The following NEDD4L variants were observed in gnomAD, a reference collection of about 807,000 sequenced individuals.
NEDD4L encodes NEDD4 like E3 ubiquitin protein ligase, also known as E3 ubiquitin-protein ligase NEDD4-like.
A neutral mutation model predicts 148.9 loss-of-function variants in NEDD4L; 54 were observed. The observed-to-expected ratio is 0.36, with a 90% confidence interval of 0.29 to 0.45. The LOEUF is 0.45. NEDD4L is among the 20% of genes least tolerant of loss of function. The pLI is 1.00. For synonymous variants in NEDD4L, 433 were observed against 440.7 expected (o/e 0.98, Z 0.22); for missense variants, 856 against 1,233.8 (o/e 0.69, Z 4.59).
intron 16 of NEDD4L, among the ~76,000 whole-genome samples, chr18:58,346,119 C>T (rs964509956): frequency 2.6e-5 from 4 of 152,260 alleles, no homozygotes; most frequent in South Asian, 2.1e-4. Flanking sequence ...CTGGGTCAGG[C>T]CTTTCAGGGA....
rs74183234 is a variant in NEDD4L at position 58,062,987 on chromosome 18, CAA to C, written c.48+18295_48+18296del. The stretch of plus-strand genomic sequence containing the variant: ...TGGGCGACAGAGCGAAACTCCATCT[CAA>C]AAAAAAAAAAAAAAAGAAATCGAAG... On this transcript the variant is annotated intron_variant, in intron 1 of 30. Transcript: ENST00000400345. Among the ~76,000 whole-genome samples the C allele has an allele frequency of 2.0e-3, 190 of 94,006 alleles. 1 individual carries two copies. The highest frequency in any genetic ancestry group is 6.8e-3 in the African/African-American group (152 of 22,216). 61.7% of individuals were successfully genotyped at this position (94,006 alleles called of 152,430 possible). A position where few individuals can be genotyped will look rare whatever the true frequency, so the allele number is the denominator to read the frequency against.
At chr18:58,081,643 A>G (rs1409599808) in intron 1 of NEDD4L, among the ~76,000 whole-genome samples, 1 of 152,182 alleles carries the variant, frequency 6.6e-6, no homozygotes, top group African/African-American at 2.4e-5. Flanking sequence ...AGAATCTCGT[A>G]TCTTTTCCTG....
chr18:58,152,327 T>C (rs1320110747), intron 1 of NEDD4L, among the ~76,000 whole-genome samples: 1 of 152,134 alleles, frequency 6.6e-6, no homozygotes, highest in African/African-American at 2.4e-5. Flanking sequence ...CTTCCAGCAT[T>C]GCTGGCTCCG....
intron 1 of NEDD4L, among the ~76,000 whole-genome samples, chr18:58,115,117 C>T (rs1267874784): frequency 6.6e-6 from 1 of 152,198 alleles, no homozygotes; most frequent in South Asian, 2.1e-4. Flanking sequence ...CAGTGGTAGG[C>T]TAAACCTTAG....
rs530255578 is a variant in NEDD4L, at chr18:58,054,254, G to A, written c.48+9546G>A. ...TGACAGGCTCCACAAACTTACTTACGAATCTCCTAACTACCCTGAGAACCT... is the reference window on the plus strand; with the variant it reads ...TGACAGGCTCCACAAACTTACTTACAAATCTCCTAACTACCCTGAGAACCT... On this transcript the variant is annotated intron_variant, in intron 1 of 30. Coordinates refer to ENST00000400345, the MANE Select transcript of NEDD4L (RefSeq NM_001144967.3). Among the ~76,000 whole-genome samples the A allele has an allele frequency of 3.9e-4, 60 of 152,292 alleles. 1 individual carries two copies. The South Asian group carries it at 0.011, about 28-fold the overall frequency.
chr18:58,354,638 G>A (rs962226800), intron 18 of NEDD4L, among the ~76,000 whole-genome samples: 3 of 152,208 alleles, frequency 2.0e-5, no homozygotes, highest in Non-Finnish European at 4.4e-5. Flanking sequence ...CCTGTTACCT[G>A]CTGGGACTGG....
In NEDD4L at chr18:58,256,251, T is replaced by G; in HGVS notation, c.297+4197T>G. On this transcript the variant is annotated intron_variant, in intron 5 of 30. Coordinates refer to ENST00000400345, the MANE Select transcript of NEDD4L (RefSeq NM_001144967.3). The surrounding 1 kb of genome is among the most constrained non-coding windows in gnomAD (Gnocchi z 5.2). The stretch of plus-strand genomic sequence containing the variant: ...GCCTCCAGCGCCGACGTGCGCCAGG[T>G]GAGGCTGCTGCCCCTGGGCCCCGAT... 8.1e-7 allele frequency: 1 copy of G among 1,230,586 alleles called. No individual in the cohort carries two copies. The highest frequency in any genetic ancestry group is 1.0e-6 in the Non-Finnish European group (1 of 987,266). The allele number at this position is 1,230,586 out of a possible 1,614,324, so 76.2% of individuals were successfully genotyped here.
intron 30 of NEDD4L, among the ~76,000 whole-genome samples, chr18:58,392,875 T>C (rs1400133311): frequency 6.6e-6 from 1 of 152,210 alleles, no homozygotes; most frequent in East Asian, 1.9e-4. Flanking sequence ...AGCGAAATTA[T>C]TGGGCACAGT....
At chr18:58,124,286 C>A (rs894978115) in intron 1 of NEDD4L, among the ~76,000 whole-genome samples, 2 of 152,182 alleles carry the variant, frequency 1.3e-5, no homozygotes, top group African/African-American at 4.8e-5. Context: ...TGGTCAGACT[C>A]GTGCATGGCC....
intron 2 of NEDD4L, among the ~76,000 whole-genome samples, chr18:58,240,452 G>A (rs1452563998): frequency 1.3e-5 from 2 of 152,110 alleles, no homozygotes; most frequent in Non-Finnish European, 2.9e-5. Flanking sequence ...GTAGGCCCTT[G>A]CACACTTACA....
intron 2 of NEDD4L, among the ~76,000 whole-genome samples, chr18:58,167,197 T>C (rs2036959408): frequency 6.6e-6 from 1 of 152,184 alleles, no homozygotes; most frequent in East Asian, 1.9e-4. Context: ...CTGCTGGTAA[T>C]GTCAGAGTGA....
intron 1 of NEDD4L, among the ~76,000 whole-genome samples, chr18:58,085,322 T>C (rs1026180908): frequency 2.0e-5 from 3 of 151,976 alleles, no homozygotes; most frequent in Admixed American, 6.6e-5. Flanking sequence ...ATGGGGTCAG[T>C]GTGGAGGGCC....
At position 58,240,815 on chromosome 18, in the gene NEDD4L, T is replaced by TATGTATG. The variant is rs147101124; in HGVS notation, c.123-4612_123-4611insATGTATG. On this transcript the variant is annotated intron_variant, in intron 2 of 30. Transcript: ENST00000400345. ...GGAGGATGATGGCGGCAGCTAACAT[T>TATGTATG]TATGTATGTATGTATGTATTTAGAG... Among the ~76,000 whole-genome samples, 982 of 150,906 alleles carry TATGTATG rather than the reference T, an allele frequency of 6.5e-3. 16 individuals are homozygous for TATGTATG. Among genetic ancestry groups the TATGTATG allele is most frequent in the African/African-American group, 0.023 (934 of 41,010 alleles).
At chr18:58,052,896 A>T (rs1252466802) in intron 1 of NEDD4L, among the ~76,000 whole-genome samples, 4 of 152,036 alleles carry the variant, frequency 2.6e-5, no homozygotes, top group African/African-American at 7.2e-5. Context: ...AACCTGGGAG[A>T]TGGAGGTTGT....
At chr18:58,148,908 A>G (rs1295696146) in intron 1 of NEDD4L, among the ~76,000 whole-genome samples, 8 of 152,178 alleles carry the variant, frequency 5.3e-5, no homozygotes, top group Non-Finnish European at 1.2e-4. Context: ...TGATTTCCTT[A>G]TTTGCTCTAA....
intron 5 of NEDD4L, among the ~76,000 whole-genome samples, chr18:58,263,841 C>A (rs1000650352): frequency 6.6e-6 from 1 of 152,066 alleles, no homozygotes; most frequent in African/African-American, 2.4e-5. Context: ...CCAAACAATC[C>A]AGCACTTCTT....
chr18:58,195,498 G>A (rs1041328059), intron 2 of NEDD4L: 2 of 1,344,626 alleles, frequency 1.5e-6, no homozygotes, highest in Non-Finnish European at 2.0e-6. Flanking sequence ...GTGCCCGGGT[G>A]GGTGGCTGCG....
chr18:58,286,968 A>G (rs537812796), intron 5 of NEDD4L, among the ~76,000 whole-genome samples: 19 of 152,326 alleles, frequency 1.2e-4, no homozygotes, highest in African/African-American at 4.3e-4. Context: ...GACCATAATT[A>G]TATAACTTTT....
chr18:58,315,439 G>A (rs1051201968), intron 5 of NEDD4L, among the ~76,000 whole-genome samples: 9 of 151,738 alleles, frequency 5.9e-5, no homozygotes, highest in Admixed American at 2.6e-4. Context: ...ATCCATATAC[G>A]TGGACTCTGA....
Sources: allele counts gnomAD v4.1 joint callset (sites outside exome capture counted in the v4.1 genomes callset), GRCh38; gene constraint gnomAD v4.1.1; non-coding constraint Gnocchi (gnomAD v3.1); transcripts MANE v1.5; gene names NCBI Gene and HGNC (gene_info 2026-07-23, HGNC 2026-07-21).